PTPRJ: variants seen among roughly 807,000 people sequenced by gnomAD.
PTPRJ encodes receptor-type tyrosine-protein phosphatase eta.
In PTPRJ, 129 loss-of-function variants were observed where a neutral mutation model predicts 141.3. That is an observed-to-expected ratio of 0.91 (90% confidence interval 0.79 to 1.06). The LOEUF (loss-of-function observed/expected upper bound fraction) is 1.06. Among genes scored for constraint, PTPRJ ranks in the 50% least tolerant of loss-of-function variants. PTPRJ has a pLI of 0.00. For missense variants in PTPRJ, 1,601 were observed against 1,679.7 expected, an observed-to-expected ratio of 0.95 and a Z score of 0.82; for synonymous variants, 610 against 640.5, an observed-to-expected ratio of 0.95 and a Z score of 0.72.
rs759823679 is a variant in PTPRJ, at chr11:48,167,391, A to T, written c.*29A>T. On this transcript the variant is annotated 3_prime_UTR_variant, in exon 25 of 25. Transcript: ENST00000418331. ...CAAAGGAATAACCTTTCTGGAGTGA[A>T]CCAGACCGTCGCACCCACAGCGAAG... The T allele has an allele frequency of 6.8e-6, 11 of 1,607,546 alleles. No homozygotes were observed. In the South Asian group the frequency reaches 1.2e-4, roughly 18 times the overall value.
chr11:48,139,283 A>G (rs1392983028), intron 10 of PTPRJ, among the ~76,000 whole-genome samples: 1 of 152,172 alleles, frequency 6.6e-6, no homozygotes, highest in Non-Finnish European at 1.5e-5. Flanking sequence ...CTCTTCAAAG[A>G]GTCCTGCAGC....
intron 1 of PTPRJ, among the ~76,000 whole-genome samples, chr11:48,078,500 G>A (rs1488349712): frequency 6.6e-6 from 1 of 152,182 alleles, no homozygotes; most frequent in East Asian, 1.9e-4. Flanking sequence ...ATTTTTAGAA[G>A]AGGAATGAGA....
At chr11:48,054,920 C>G (rs997309068) in intron 1 of PTPRJ, among the ~76,000 whole-genome samples, 2 of 151,632 alleles carry the variant, frequency 1.3e-5, no homozygotes, top group Admixed American at 6.6e-5. Context: ...CATGGTGGCT[C>G]ACGCCTGTAA....
In PTPRJ at chr11:48,139,569, G is replaced by A. The variant is rs201788752; in HGVS notation, c.2236G>A (p.Ala746Thr). The A allele has an allele frequency of 1.4e-5, 22 of 1,614,232 alleles. No homozygotes were observed. Among genetic ancestry groups the A allele is most frequent in the South Asian group, 6.6e-5 (6 of 91,088 alleles). ...LVLKWTCPPG[A>T]NAGFELEVSS... ...TCTCAAATGGACCTGCCCTCCTGGC[G>A]CCAATGCAGGCTTTGAGCTGGAGGT... Residue 746 changes from alanine (A) to threonine (T), a missense_variant, in exon 11 of 25, where the codon GCC becomes ACC. By Grantham distance (58) the Ala-to-Thr change is moderately conservative. Transcript: ENST00000418331.
rs751374409 is a variant in PTPRJ, at chr11:48,137,249, C to G, written c.2120C>G (p.Ser707Ter). The change falls in exon 10 of 25, where the codon TCA becomes TGA. Residue 707 changes from serine (S) to a stop codon, truncating the protein, a stop_gained. Coordinates refer to ENST00000418331, the MANE Select transcript of PTPRJ (RefSeq NM_002843.4). LOFTEE classifies it high-confidence loss of function. Reference protein sequence around the residue: ...IFAQVGDGIKSLEPGRKSFCT... With the variant: ...IFAQVGDGIK ...GCACAAGTAGGGGATGGGATCAAGTCACTGGAACCTGGCCGGAAGTCATTC... is the reference window on the plus strand; with the variant it reads ...GCACAAGTAGGGGATGGGATCAAGTGACTGGAACCTGGCCGGAAGTCATTC... 1 of 1,614,124 alleles carries G rather than the reference C, an allele frequency of 6.2e-7. No individual in the cohort carries two copies. Among genetic ancestry groups the G allele is most frequent in the Non-Finnish European group, 8.5e-7 (1 of 1,179,998 alleles).
rs1219908089 is a variant in PTPRJ at position 48,102,179 on chromosome 11, G to A, written c.97-7879G>A. 2.0e-5 allele frequency among the ~76,000 whole-genome samples: 3 copies of A among 152,206 alleles called. No homozygotes were observed. The East Asian group carries it at 5.8e-4, about 29-fold the overall frequency. On this transcript the variant is annotated intron_variant, in intron 1 of 24. Transcript: ENST00000418331. ...CATACTGCCTCTCAGTCTTTCGCATGCTCATGTTTGATAGAGAAAATCAAC... is the reference window on the plus strand; with the variant it reads ...CATACTGCCTCTCAGTCTTTCGCATACTCATGTTTGATAGAGAAAATCAAC...
At chr11:48,112,701 C>T (rs190335565) in intron 2 of PTPRJ, 46 bp from the exon 3 acceptor site, 652 of 1,437,806 alleles carry the variant, frequency 4.5e-4, no homozygotes, top group Non-Finnish European at 5.9e-4. Context: ...TCCCTGTCTC[C>T]TGGAGAAATA....
chr11:48,166,528 G>C (rs1857921441), intron 24 of PTPRJ, among the ~76,000 whole-genome samples: 2 of 151,994 alleles, frequency 1.3e-5, no homozygotes, highest in African/African-American at 4.8e-5. Flanking sequence ...TGGCCAGGCT[G>C]ATCTCGCACT....
At chr11:47,994,863 G>C (rs1295792693) in intron 1 of PTPRJ, among the ~76,000 whole-genome samples, 2 of 152,016 alleles carry the variant, frequency 1.3e-5, no homozygotes, top group Non-Finnish European at 2.9e-5. Flanking sequence ...ATTTGCATCA[G>C]GATTTTTTTT....
intron 1 of PTPRJ, among the ~76,000 whole-genome samples, chr11:48,090,252 G>A (rs1344301877): frequency 3.3e-5 from 5 of 152,156 alleles, no homozygotes; most frequent in South Asian, 4.1e-4. Context: ...AGCCCCAGGC[G>A]CCCTGCATCC....
chr11:48,166,972 T>G (rs1857931281), intron 24 of PTPRJ, among the ~76,000 whole-genome samples: 1 of 152,154 alleles, frequency 6.6e-6, no homozygotes, highest in South Asian at 2.1e-4. Context: ...AGGGGAGGTG[T>G]GGAGTGTGCT....
At chr11:48,005,317 C>T (rs1565253291) in intron 1 of PTPRJ, among the ~76,000 whole-genome samples, 1 of 152,114 alleles carries the variant, frequency 6.6e-6, no homozygotes, top group Non-Finnish European at 1.5e-5. Context: ...TCGTTACTCA[C>T]AAAAGAAACC....
rs201149996 is a variant in PTPRJ, at chr11:48,123,682, A to G, written c.686A>G (p.Asn229Ser). Residue 229 changes from asparagine (N) to serine (S), a missense_variant, in exon 5 of 25, where the codon AAT becomes AGT. Coordinates refer to ENST00000418331, the MANE Select transcript of PTPRJ (RefSeq NM_002843.4). Reference protein sequence around the residue: ...GVRKAALSWSNGNGTASCRVL... With the variant: ...GVRKAALSWSSGNGTASCRVL... ...AGGAAGGCTGCTCTCTCCTGGAGCA[A>G]TGGCAATGGCACTGCCTCCTGCCGG... 9 of 1,614,120 alleles carry G rather than the reference A, an allele frequency of 5.6e-6. No homozygotes were observed. Among genetic ancestry groups the G allele is most frequent in the East Asian group, 2.2e-5 (1 of 44,874 alleles).
At chr11:48,135,521 G>A (rs187675426) in intron 8 of PTPRJ, among the ~76,000 whole-genome samples, 157 of 116,256 alleles carry the variant, frequency 1.4e-3, no homozygotes, top group African/African-American at 4.9e-3. Flanking sequence ...TCATTCTGTC[G>A]CCCAGGCTGG....
intron 1 of PTPRJ, among the ~76,000 whole-genome samples, chr11:48,039,464 G>GGGGTGTGTGTGT (rs536448671): frequency 6.8e-6 from 1 of 146,432 alleles, no homozygotes; most frequent in African/African-American, 2.5e-5. Context: ...ACAACACTAT[G>GGGGTGTGTGTGT]GTGTGTGTGT....
chr11:48,098,678 G>A lies in PTPRJ; in HGVS notation c.97-11380G>A, dbSNP rs372821135. ...TGGGACTACAGGCACGCGCCACCAT[G>A]CCCGGCTAATTTTTGTATTTTTAGT... On this transcript the variant is annotated intron_variant, in intron 1 of 24. Transcript: ENST00000418331. 9.8e-5 allele frequency among the ~76,000 whole-genome samples: 6 copies of A among 61,118 alleles called. 1 individual carries two copies. Among genetic ancestry groups the A allele is most frequent in the African/African-American group, 2.3e-4 (6 of 26,612 alleles). 40.1% of individuals were successfully genotyped at this position (61,118 alleles called of 152,430 possible).
chr11:48,059,665 T>C (rs901589029), intron 1 of PTPRJ, among the ~76,000 whole-genome samples: 9 of 152,152 alleles, frequency 5.9e-5, no homozygotes, highest in African/African-American at 1.9e-4. Context: ...AGGGTTATGG[T>C]CTCCTAGGTG....
At chr11:47,991,516 CAGCAAGGTG>C (rs549215307) in intron 1 of PTPRJ, among the ~76,000 whole-genome samples, 47 of 152,290 alleles carry the variant, frequency 3.1e-4, no homozygotes, top group Non-Finnish European at 5.7e-4. Flanking sequence ...GTTTCCACGG[CAGCAAGGTG>C]ATTGTGCATT....
At chr11:48,046,378 G>A (rs879843735) in intron 1 of PTPRJ, 3 of 152,178 alleles carry the variant, frequency 2.0e-5, no homozygotes, top group Non-Finnish European at 2.9e-5. Context: ...AATCTTCACA[G>A]TGGTACAATG....
Sources: gnomAD v4.1 joint callset for allele counts (sites outside exome capture counted in the v4.1 genomes callset) on GRCh38, gnomAD v4.1.1 for gene constraint, MANE v1.5 for transcripts, NCBI Gene and HGNC (gene_info 2026-07-23, HGNC 2026-07-21) for gene names.